Variants in SLC29A4 observed in about 807,000 individuals in gnomAD.
SLC29A4 encodes equilibrative nucleoside transporter 4.
Under a neutral mutation model 43.9 loss-of-function variants are expected in SLC29A4, and 36 were observed. The observed-to-expected ratio is 0.82, with a 90% CI of 0.63 to 1.08. The LOEUF (loss-of-function observed/expected upper bound fraction) is 1.08, where lower values mean the gene tolerates loss of function less well. Ranked by LOEUF, SLC29A4 falls within the 50% of genes least tolerant of loss-of-function variation. The pLI is 0.00. For missense variants in SLC29A4, 869 were observed against 755.3 expected (o/e 1.15, Z -1.77); for synonymous variants, 491 against 338.0 (o/e 1.45, Z -4.97).
Position 5,299,116 on chromosome 7 carries a change from C to T in SLC29A4, c.1011C>T (p.Pro337=), listed in dbSNP as rs746352020. 2 of 1,610,208 alleles carry T rather than the reference C, an allele frequency of 1.2e-6. No individual in the cohort carries two copies. The highest frequency in any genetic ancestry group is 2.2e-5 in the East Asian group (1 of 44,836). The change falls in exon 8 of 11, where the codon CCC becomes CCT. Residue 337 remains proline (P), a synonymous_variant. Transcript: ENST00000396872. The stretch of plus-strand genomic sequence containing the variant: ...GGCCAAGGGTCCAGCGCAGCTGGCC[C>T]ACCTTCAGAGGTGAGTGCGGGGAGT... ...VPRPRVQRSW[P]TFRALLLHRY...
chr7:5,283,404 C>A (rs1014056472), intron 1 of SLC29A4, among the ~76,000 whole-genome samples: 2 of 152,014 alleles, frequency 1.3e-5, no homozygotes, highest in African/African-American at 4.8e-5. Flanking sequence ...CCCATCGCTC[C>A]CCTGCCCCCG....
intron 10 of SLC29A4, 90 bp from the exon 11 acceptor site, chr7:5,302,707 G>A: frequency 7.5e-7 from 1 of 1,332,632 alleles, no homozygotes; most frequent in African/African-American, 1.5e-5. Context: ...GCACGGTTCA[G>A]GCGGGTGTCA....
At chr7:5,286,606 T>C (rs1784968695) in intron 1 of SLC29A4, among the ~76,000 whole-genome samples, 1 of 151,902 alleles carries the variant, frequency 6.6e-6, no homozygotes, top group African/African-American at 2.4e-5. Context: ...GCCCACACAG[T>C]GCAAGCGTCT....
chr7:5,298,352 C>T (rs866426452), intron 7 of SLC29A4, among the ~76,000 whole-genome samples: 23 of 152,094 alleles, frequency 1.5e-4, no homozygotes, highest in East Asian at 7.7e-4. Context: ...AAAGCGTGTG[C>T]GGTGGGTCAG....
At chr7:5,285,054 C>T (rs1784865400) in intron 1 of SLC29A4, among the ~76,000 whole-genome samples, 1 of 152,156 alleles carries the variant, frequency 6.6e-6, no homozygotes, top group Non-Finnish European at 1.5e-5. Context: ...AGACTGTCAC[C>T]CTGACACCAT....
chr7:5,284,531 G>T (rs1784843939), intron 1 of SLC29A4, among the ~76,000 whole-genome samples: 1 of 152,170 alleles, frequency 6.6e-6, no homozygotes, highest in African/African-American at 2.4e-5. Context: ...GGAGGAGCAG[G>T]GCCAAGCCCT....
chr7:5,300,334 G>C lies in SLC29A4; in HGVS notation c.1210-88G>C, dbSNP rs576434789. 17 of 1,591,874 alleles carry C rather than the reference G, an allele frequency of 1.1e-5. No individual in the cohort carries two copies. In the African/African-American group the frequency reaches 2.3e-4, roughly 21 times the overall value. On this transcript the variant is annotated intron_variant, in intron 9 of 10. Coordinates refer to ENST00000396872, the MANE Select transcript of SLC29A4 (RefSeq NM_153247.4). The stretch of plus-strand genomic sequence containing the variant: ...CTGGACAGGCCCAGGAGTGTTTAGG[G>C]ATGGGGATGTGGCTAGAGGCTGTCG...
At chr7:5,301,168 A>G (rs924864055) in intron 10 of SLC29A4, among the ~76,000 whole-genome samples, 6 of 151,410 alleles carry the variant, frequency 4.0e-5, no homozygotes, top group African/African-American at 1.5e-4. Flanking sequence ...GGAGGCTGAG[A>G]TGGGAGGATC....
intron 7 of SLC29A4, 104 bp downstream of exon 7, chr7:5,297,302 A>ACTGTGGTCTCCTC: frequency 7.6e-7 from 1 of 1,312,568 alleles, no homozygotes; most frequent in South Asian, 1.6e-5. Context: ...TGCATCCCAG[A>ACTGTGGTCTCCTC]CTGTGGTCTC....
chr7:5,289,356 C>T (rs1406630097), intron 2 of SLC29A4, among the ~76,000 whole-genome samples: 2 of 152,076 alleles, frequency 1.3e-5, no homozygotes, highest in African/African-American at 4.8e-5. Flanking sequence ...AAGGTCATGC[C>T]ACTGCACTCC....
intron 2 of SLC29A4, among the ~76,000 whole-genome samples, 167 bp downstream of exon 2, chr7:5,288,152 T>C (rs1265491848): frequency 1.3e-5 from 2 of 152,100 alleles, no homozygotes; most frequent in East Asian, 3.9e-4. Context: ...ACGCCCACCT[T>C]CTCAGTGTCT....
At chr7:5,289,519 G>A (rs2128087509) in intron 2 of SLC29A4, among the ~76,000 whole-genome samples, 1 of 152,266 alleles carries the variant, frequency 6.6e-6, no homozygotes, top group Non-Finnish European at 1.5e-5. Context: ...TGAGCTCCAG[G>A]AAGTCCCCAA....
chr7:5,285,922 A>G (rs1784914973), intron 1 of SLC29A4, among the ~76,000 whole-genome samples: 1 of 152,078 alleles, frequency 6.6e-6, no homozygotes, highest in Non-Finnish European at 1.5e-5. Flanking sequence ...AGGTGGGAGG[A>G]TCACTTCAGC....
Position 5,296,940 on chromosome 7 carries a change from G to A in SLC29A4, c.624G>A (p.Thr208=), listed in dbSNP as rs1562450544. The A allele has an allele frequency of 3.1e-6, 5 of 1,587,696 alleles. No individual in the cohort carries two copies. Among genetic ancestry groups the A allele is most frequent in the Non-Finnish European group, 1.7e-6 (2 of 1,174,260 alleles). The change falls in exon 7 of 11, where the codon ACG becomes ACA. Residue 208 remains threonine (T), a synonymous_variant. Coordinates refer to ENST00000396872, the MANE Select transcript of SLC29A4 (RefSeq NM_153247.4). ...YTQGVMTGES[T]AGVMISLSRI... Reference sequence around the variant, plus strand: ...CCCACTGTGCACGCCCCCCAGGCACGGCGGGCGTGATGATCTCTCTGAGCC... The same window carrying A: ...CCCACTGTGCACGCCCCCCAGGCACAGCGGGCGTGATGATCTCTCTGAGCC...
In SLC29A4 at chr7:5,287,957, C is replaced by A; in HGVS notation, c.141C>A (p.Ala47=). Residue 47 remains alanine, a synonymous_variant, in exon 2 of 11, where the codon GCC becomes GCA. Coordinates refer to ENST00000396872, the MANE Select transcript of SLC29A4 (RefSeq NM_153247.4). ...AEAAQGQGLR[A]RGVPAFTDTT... Reference sequence around the variant, plus strand: ...CGGCTCAGGGCCAGGGCCTTAGGGCCAGGGGCGTCCCAGCTTTCACGGATA... The same window carrying A: ...CGGCTCAGGGCCAGGGCCTTAGGGCAAGGGGCGTCCCAGCTTTCACGGATA... 6.2e-7 allele frequency: 1 copy of A among 1,609,996 alleles called. No homozygotes were observed.
rs1786360667 is a variant in SLC29A4 at position 5,304,118 on chromosome 7, T to C, written c.*1179T>C. On this transcript the variant is annotated 3_prime_UTR_variant, in exon 11 of 11. Coordinates refer to ENST00000396872, the MANE Select transcript of SLC29A4 (RefSeq NM_153247.4). ...GGGGGCTGGGACTGCCATCTCGGGA[T>C]ACCGGTGGAACTCGGGCTGCCCCGC... 1 of 152,368 alleles carries C rather than the reference T, an allele frequency of 6.6e-6. No individual in the cohort carries two copies. The highest frequency in any genetic ancestry group is 6.5e-5 in the Admixed American group (1 of 15,292). 9.4% of individuals were successfully genotyped at this position (152,368 alleles called of 1,614,324 possible). A position where few individuals can be genotyped will look rare whatever the true frequency, so the allele number is the denominator to read the frequency against.
At chr7:5,300,331 A>G (rs1230432174) in intron 9 of SLC29A4, 91 bp from the exon 10 acceptor site, 27 of 1,575,156 alleles carry the variant, frequency 1.7e-5, no homozygotes, top group Non-Finnish European at 2.3e-5. Context: ...AGGAGTGTTT[A>G]GGGATGGGGA....
Position 5,298,525 on chromosome 7 carries a change from C to T in SLC29A4, c.883-463C>T, listed in dbSNP as rs560901973. 2.6e-5 allele frequency among the ~76,000 whole-genome samples: 4 copies of T among 152,250 alleles called. No individual in the cohort carries two copies. In the East Asian group the frequency reaches 7.7e-4, roughly 29 times the overall value. ...TGTGAGAGAGAGCCAGGCGCAGTGG[C>T]TCACACCTGCAATCCCAGCTATACA... On this transcript the variant is annotated intron_variant, in intron 7 of 10. Coordinates refer to ENST00000396872, the MANE Select transcript of SLC29A4 (RefSeq NM_153247.4).
intron 5 of SLC29A4, 56 bp from the exon 6 acceptor site, chr7:5,294,804 C>T: frequency 1.3e-6 from 2 of 1,578,458 alleles, no homozygotes; most frequent in South Asian, 1.1e-5. Context: ...TGCATTTCTC[C>T]CAAGTTGACA....
Sources: gnomAD v4.1 joint callset for allele counts (sites outside exome capture counted in the v4.1 genomes callset) on GRCh38, gnomAD v4.1.1 for gene constraint, MANE v1.5 for transcripts, NCBI Gene and HGNC (gene_info 2026-07-23, HGNC 2026-07-21) for gene names.